Variants in CEACAM5 observed in about 807,000 individuals in gnomAD.
CEACAM5 encodes the protein CEA cell adhesion molecule 5.
In CEACAM5, 52 loss-of-function variants were observed where a neutral mutation model predicts 63.0. The observed-to-expected ratio is 0.83, with a 90% CI of 0.66 to 1.04. The LOEUF (loss-of-function observed/expected upper bound fraction) is 1.04. CEACAM5 is among the 50% of genes least tolerant of loss of function. CEACAM5 has a pLI of 0.00. For synonymous variants in CEACAM5, 357 were observed against 351.3 expected, an observed-to-expected ratio of 1.02 and a Z score of -0.18; for missense variants, 790 against 864.8, an observed-to-expected ratio of 0.91 and a Z score of 1.08.
Position 41,720,012 on chromosome 19 carries a change from T to C in CEACAM5, c.1575T>C (p.Pro525=). ...DKDAVAFTCE[P]EAQNTTYLWW... ...ATGCTGTGGCCTTCACCTGTGAACC[T>C]GAGGCTCAGAACACAACCTACCTGT... is the stretch of plus-strand genomic sequence containing the variant. Residue 525 remains proline, a synonymous_variant, in exon 7 of 10, where the codon CCT becomes CCC. Coordinates refer to ENST00000221992, the MANE Select transcript of CEACAM5 (RefSeq NM_004363.6). 1 of 1,614,260 alleles carries C rather than the reference T, an allele frequency of 6.2e-7. No homozygotes were observed. Among genetic ancestry groups the C allele is most frequent in the Non-Finnish European group, 8.5e-7 (1 of 1,180,048 alleles).
chr19:41,722,120 C>T (rs1271906421), intron 8 of CEACAM5, among the ~76,000 whole-genome samples: 11 of 151,874 alleles, frequency 7.2e-5, no homozygotes, highest in South Asian at 2.1e-4. Context: ...GTATATTGCC[C>T]GGTGTGGTGG....
chr19:41,718,126 A>C lies in CEACAM5; in HGVS notation c.1238-2A>C. 4 of 1,614,122 alleles carry C rather than the reference A, an allele frequency of 2.5e-6. No homozygotes were observed. The highest frequency in any genetic ancestry group is 3.4e-6 in the Non-Finnish European group (4 of 1,179,998). The stretch of plus-strand genomic sequence containing the variant: ...CCTGTGGCCCTATTCTCTTTGCTCC[A>C]GATGGCCCAGACGACCCCACCATTT... On this transcript the variant is annotated splice_acceptor_variant, in intron 5 of 9. Transcript: ENST00000221992. LOFTEE classifies it high-confidence loss of function.
At chr19:41,715,542 C>A in intron 3 of CEACAM5, 108 bp from the exon 4 acceptor site, 1 of 1,443,820 alleles carries the variant, frequency 6.9e-7, no homozygotes, top group Non-Finnish European at 9.6e-7. Context: ...TTGGCTGAGA[C>A]TTTAGGATTG....
At chr19:41,728,834 G>A (rs542896582) in intron 9 of CEACAM5, among the ~76,000 whole-genome samples, 70 of 142,910 alleles carry the variant, frequency 4.9e-4, no homozygotes, top group Middle Eastern at 4.1e-3. Flanking sequence ...TTCAACATAC[G>A]TAAGCCTATA....
In CEACAM5 at chr19:41,729,878, T is replaced by C. The variant is rs541445206; in HGVS notation, c.*731T>C. On this transcript the variant is annotated 3_prime_UTR_variant, in exon 10 of 10. Coordinates refer to ENST00000221992, the MANE Select transcript of CEACAM5 (RefSeq NM_004363.6). ...CATGAATATTTATATTGTATGGTAA[T>C]ATAGTTATTGCACAAGTTCAATAAA... 1.3e-5 allele frequency: 2 copies of C among 152,358 alleles called. No individual in the cohort carries two copies. Among genetic ancestry groups the C allele is most frequent in the African/African-American group, 2.4e-5 (1 of 41,594 alleles). The allele number at this position is 152,358 out of a possible 1,614,324, so 9.4% of individuals were successfully genotyped here.
At position 41,709,900 on chromosome 19, in the gene CEACAM5, C is replaced by T; in HGVS notation, c.285C>T (p.Tyr95=). 1 of 1,614,138 alleles carries T rather than the reference C, an allele frequency of 6.2e-7. No individual in the cohort carries two copies. Among genetic ancestry groups the T allele is most frequent in the Non-Finnish European group, 8.5e-7 (1 of 1,180,020 alleles). ...GTQQATPGPA[Y]SGREIIYPNA... ...AACAAGCTACCCCAGGGCCCGCATA[C>T]AGTGGTCGAGAGATAATATACCCCA... Residue 95 remains tyrosine (Y), a synonymous_variant, in exon 2 of 10, where the codon TAC becomes TAT. Transcript: ENST00000221992.
chr19:41,714,821 C>A, intron 2 of CEACAM5, 150 bp from the exon 3 acceptor site: 1 of 1,395,778 alleles, frequency 7.2e-7, no homozygotes. Context: ...CTCAGATCAT[C>A]GTGCATCTGT....
intron 6 of CEACAM5, among the ~76,000 whole-genome samples, chr19:41,719,152 G>A (rs1177113493): frequency 6.6e-6 from 1 of 152,194 alleles, no homozygotes; most frequent in Non-Finnish European, 1.5e-5. Flanking sequence ...GAGACACACA[G>A]AGATTCACCC....
intron 8 of CEACAM5, among the ~76,000 whole-genome samples, chr19:41,726,716 GC>G (rs1296880906): frequency 6.6e-6 from 1 of 152,120 alleles, no homozygotes; most frequent in African/African-American, 2.4e-5. Flanking sequence ...GGCTGGTGGG[GC>G]GTCCTCAAGC....
chr19:41,716,949 T>G (rs1555815125), intron 4 of CEACAM5, among the ~76,000 whole-genome samples: 2 of 152,224 alleles, frequency 1.3e-5, no homozygotes, highest in African/African-American at 4.8e-5. Flanking sequence ...CCCTGACTTG[T>G]CACCTCTAGA....
intron 8 of CEACAM5, among the ~76,000 whole-genome samples, chr19:41,725,307 C>A (rs1343404240): frequency 6.6e-6 from 1 of 150,606 alleles, no homozygotes; most frequent in Non-Finnish European, 1.5e-5. Flanking sequence ...TTCTTGTAGT[C>A]CTTAATATTT....
chr19:41,708,689 A>G lies in CEACAM5; in HGVS notation c.-43A>G, dbSNP rs1555813308. ...CCTTGACAAAACGTTCCTGGAACTC[A>G]AGCTCTTCTCCACAGAGGAGGACAG... On this transcript the variant is annotated 5_prime_UTR_variant, in exon 1 of 10. Coordinates refer to ENST00000221992, the MANE Select transcript of CEACAM5 (RefSeq NM_004363.6). The G allele has an allele frequency of 1.3e-6, 2 of 1,576,762 alleles. No individual in the cohort carries two copies. The highest frequency in any genetic ancestry group is 4.5e-5 in the East Asian group (2 of 44,046).
Position 41,719,570 on chromosome 19 carries a change from G to A in CEACAM5, c.1493-360G>A, listed in dbSNP as rs892861838. Among the ~76,000 whole-genome samples the A allele has an allele frequency of 5.3e-5, 8 of 152,180 alleles. 1 individual carries two copies. Among genetic ancestry groups the A allele is most frequent in the Non-Finnish European group, 7.4e-5 (5 of 68,026 alleles). On this transcript the variant is annotated intron_variant, in intron 6 of 9. Coordinates refer to ENST00000221992, the MANE Select transcript of CEACAM5 (RefSeq NM_004363.6). ...CCCCACGGTTGGGTGGTGTGGGACC[G>A]TGCAGCTGAACGGAATTCAGCACCC...
rs1167148229 is a variant in CEACAM5 at position 41,721,941 on chromosome 19, T to C, written c.2026+765T>C. On this transcript the variant is annotated intron_variant, in intron 8 of 9. Coordinates refer to ENST00000221992, the MANE Select transcript of CEACAM5 (RefSeq NM_004363.6). ...AGTGAGTGACACACACTTGGAGAAA[T>C]AGGGAGATTCAGCCATAGGGGCTCT... Among the ~76,000 whole-genome samples the C allele has an allele frequency of 3.3e-5, 5 of 151,818 alleles. No homozygotes were observed. In the East Asian group the frequency reaches 9.6e-4, roughly 29 times the overall value.
At chr19:41,726,200 G>A (rs1285942423) in intron 8 of CEACAM5, among the ~76,000 whole-genome samples, 1 of 152,162 alleles carries the variant, frequency 6.6e-6, no homozygotes, top group Non-Finnish European at 1.5e-5. Flanking sequence ...TTGAAGTTAG[G>A]CAGTTCTAGA....
At position 41,727,290 on chromosome 19, in the gene CEACAM5, G is replaced by C; in HGVS notation, c.2083G>C (p.Val695Leu). Reference protein sequence around the residue: ...AGATVGIMIGVLVGVALI With the variant: ...AGATVGIMIGLLVGVALI Reference sequence around the variant, plus strand: ...GGCCACTGTCGGCATCATGATTGGAGTGCTGGTTGGGGTTGCTCTGATATA... The same window carrying C: ...GGCCACTGTCGGCATCATGATTGGACTGCTGGTTGGGGTTGCTCTGATATA... Residue 695 changes from valine (V) to leucine (L), a missense_variant, in exon 9 of 10, where the codon GTG becomes CTG. Physicochemically the swap from Val to Leu is conservative, Grantham distance 32. Transcript: ENST00000221992. The C allele has an allele frequency of 6.2e-7, 1 of 1,614,074 alleles. No individual in the cohort carries two copies.
At chr19:41,719,190 G>T (rs1555815674) in intron 6 of CEACAM5, among the ~76,000 whole-genome samples, 1 of 152,136 alleles carries the variant, frequency 6.6e-6, no homozygotes, top group Non-Finnish European at 1.5e-5. Flanking sequence ...CAGGGAAGGG[G>T]CAGTGCCAAA....
chr19:41,718,666 G>C (rs1428009977), intron 6 of CEACAM5, among the ~76,000 whole-genome samples: 2 of 152,238 alleles, frequency 1.3e-5, no homozygotes, highest in African/African-American at 4.8e-5. Context: ...GGGGAAGCAA[G>C]AAGGGTCCTC....
chr19:41,726,862 A>G (rs1389464092), intron 8 of CEACAM5, among the ~76,000 whole-genome samples: 1 of 152,192 alleles, frequency 6.6e-6, no homozygotes, highest in Non-Finnish European at 1.5e-5. Context: ...CCTTCTGCCA[A>G]TCAAGTCCCT....
Sources: gnomAD v4.1 joint callset for allele counts (sites outside exome capture counted in the v4.1 genomes callset) on GRCh38, gnomAD v4.1.1 for gene constraint, MANE v1.5 for transcripts, NCBI Gene and HGNC (gene_info 2026-07-23, HGNC 2026-07-21) for gene names.